KAT6B: variants seen among roughly 807,000 people sequenced by gnomAD.
KAT6B encodes lysine acetyltransferase 6B.
In KAT6B, 10 loss-of-function variants were observed where a neutral mutation model predicts 187.5. The ratio of observed to expected loss-of-function variants is 0.05; its 90% CI spans 0.03 to 0.09. The LOEUF (loss-of-function observed/expected upper bound fraction) is 0.09, where lower values mean the gene tolerates loss of function less well. KAT6B is among the 10% of genes least tolerant of loss of function. The probability of loss-of-function intolerance (pLI) is 1.00; values close to 1 mark genes in which losing one functional copy is unlikely to be tolerated. For synonymous variants in KAT6B, 861 were observed against 926.8 expected, an observed-to-expected ratio of 0.93 and a Z score of 1.29; for missense variants, 1,952 against 2,558.9, an observed-to-expected ratio of 0.76 and a Z score of 5.12.
intron 3 of KAT6B, among the ~76,000 whole-genome samples, chr10:74,866,269 G>T (rs1843546738): frequency 6.6e-6 from 1 of 151,540 alleles, no homozygotes; most frequent in African/African-American, 2.4e-5. Flanking sequence ...TTTATGAGTT[G>T]GGAGATGCCT....
intron 1 of KAT6B, among the ~76,000 whole-genome samples, chr10:74,835,963 T>A (rs1841275086): frequency 6.6e-6 from 1 of 152,234 alleles, no homozygotes; most frequent in Admixed American, 6.5e-5. Context: ...TAAAACCCCT[T>A]ACCCATTAAG....
At chr10:74,854,419 A>T (rs776219561) in intron 3 of KAT6B, among the ~76,000 whole-genome samples, 7 of 152,122 alleles carry the variant, frequency 4.6e-5, no homozygotes, top group Non-Finnish European at 8.8e-5. Flanking sequence ...TTTTCCTTAT[A>T]TAAGTGAATC....
At chr10:74,861,568 T>C (rs1055044636) in intron 3 of KAT6B, among the ~76,000 whole-genome samples, 6 of 152,202 alleles carry the variant, frequency 3.9e-5, no homozygotes, top group Non-Finnish European at 7.3e-5. Flanking sequence ...ATTACCTAGC[T>C]ATTAATGTGG....
chr10:74,882,192 C>A (rs894636284), intron 3 of KAT6B, among the ~76,000 whole-genome samples: 3 of 152,244 alleles, frequency 2.0e-5, no homozygotes, highest in African/African-American at 7.2e-5. Context: ...GTCTCCCCTT[C>A]CCTGCTCAAC....
intron 3 of KAT6B, among the ~76,000 whole-genome samples, chr10:74,941,123 T>C (rs893324102): frequency 6.6e-6 from 1 of 152,204 alleles, no homozygotes; most frequent in Non-Finnish European, 1.5e-5. Context: ...GAGCAATTCT[T>C]GGTAGGAATC....
At chr10:74,943,063 A>G (rs944495727) in intron 3 of KAT6B, among the ~76,000 whole-genome samples, 23 of 152,200 alleles carry the variant, frequency 1.5e-4, no homozygotes, top group African/African-American at 5.3e-4. Context: ...GTTTTAGACC[A>G]TATGGTCATC....
intron 3 of KAT6B, among the ~76,000 whole-genome samples, chr10:74,878,240 T>G (rs1844567127): frequency 6.6e-6 from 1 of 152,226 alleles, no homozygotes; most frequent in Admixed American, 6.5e-5. Flanking sequence ...GTTCAGTCAG[T>G]GACTTATGAA....
At chr10:74,917,678 A>G (rs924644412) in intron 3 of KAT6B, among the ~76,000 whole-genome samples, 1 of 152,228 alleles carries the variant, frequency 6.6e-6, no homozygotes, top group Non-Finnish European at 1.5e-5. Context: ...CTCCCTAGAG[A>G]AGAGAGAGTT....
intron 3 of KAT6B, among the ~76,000 whole-genome samples, chr10:74,937,380 A>G (rs960729520): frequency 2.0e-5 from 3 of 152,254 alleles, no homozygotes; most frequent in African/African-American, 7.2e-5. Context: ...CTGAAAGCAC[A>G]GCCAGCCTTC....
At chr10:74,964,619 C>G (rs1841330191) in intron 4 of KAT6B, among the ~76,000 whole-genome samples, 1 of 152,196 alleles carries the variant, frequency 6.6e-6, no homozygotes, top group Non-Finnish European at 1.5e-5. Context: ...TCCAACGAGT[C>G]TACCCCCGAG....
rs200236204 is a variant in KAT6B at position 75,021,195 on chromosome 10, C to T, written c.2931C>T (p.Ala977=). 8.1e-6 allele frequency: 13 copies of T among 1,613,900 alleles called. No individual in the cohort carries two copies. Among genetic ancestry groups the T allele is most frequent in the Non-Finnish European group, 1.1e-5 (13 of 1,179,906 alleles). Residue 977 remains alanine (A), a synonymous_variant, in exon 15 of 18, where the codon GCC becomes GCT. Transcript: ENST00000287239. ...HMEKLKTCSR[A]NELDPDSLRW... ...AAAAGCTGAAAACCTGTTCCAGAGC[C>T]AATGAACTTGATCCAGACAGTCTGA... is the stretch of plus-strand genomic sequence containing the variant.
At chr10:74,901,014 T>G (rs950148006) in intron 3 of KAT6B, among the ~76,000 whole-genome samples, 1 of 152,106 alleles carries the variant, frequency 6.6e-6, no homozygotes, top group Admixed American at 6.5e-5. Context: ...AAAAGATATT[T>G]TAAGTATAAA....
intron 13 of KAT6B, among the ~76,000 whole-genome samples, chr10:75,018,665 G>C (rs1369915685): frequency 6.6e-6 from 1 of 152,166 alleles, no homozygotes; most frequent in Non-Finnish European, 1.5e-5. Context: ...ATAAGGTATG[G>C]GGGGGCACAT....
intron 3 of KAT6B, among the ~76,000 whole-genome samples, chr10:74,866,541 A>T (rs1044130672): frequency 3.9e-5 from 6 of 152,230 alleles, no homozygotes; most frequent in African/African-American, 1.4e-4. Context: ...TAATTAGAAT[A>T]TTTACTTAAA....
intron 13 of KAT6B, among the ~76,000 whole-genome samples, chr10:74,990,195 T>TC (rs1843045089): frequency 4.0e-5 from 1 of 24,898 alleles, no homozygotes; most frequent in Non-Finnish European, 6.6e-5. Flanking sequence ...AGACTCTGTC[T>TC]CAAAAAAAAA....
intron 6 of KAT6B, 35 bp from the exon 7 acceptor site, chr10:74,972,472 A>G (rs1382138662): frequency 1.4e-6 from 2 of 1,436,838 alleles, no homozygotes; most frequent in Non-Finnish European, 1.9e-6. Context: ...AAAATGAAAC[A>G]TTAAAATATT....
chr10:74,922,389 C>T (rs1358722303), intron 3 of KAT6B, among the ~76,000 whole-genome samples: 1 of 152,082 alleles, frequency 6.6e-6, no homozygotes, highest in Non-Finnish European at 1.5e-5. Flanking sequence ...AGCCCTTCAT[C>T]CCAACCAATC....
At chr10:74,936,551 A>G (rs1267549840) in intron 3 of KAT6B, among the ~76,000 whole-genome samples, 1 of 152,224 alleles carries the variant, frequency 6.6e-6, no homozygotes, top group African/African-American at 2.4e-5. Context: ...ATTACTTTCA[A>G]ATTAATCATT....
At chr10:74,907,147 G>T (rs959748684) in intron 3 of KAT6B, among the ~76,000 whole-genome samples, 9 of 152,194 alleles carry the variant, frequency 5.9e-5, no homozygotes, top group African/African-American at 2.2e-4. Context: ...AATTTCTCTT[G>T]TTCCATTCTC....
Sources: allele counts gnomAD v4.1 joint callset (sites outside exome capture counted in the v4.1 genomes callset), GRCh38; gene constraint gnomAD v4.1.1; transcripts MANE v1.5; gene names NCBI Gene and HGNC (gene_info 2026-07-23, HGNC 2026-07-21).